The following GALNTL6 variants were observed in gnomAD, a reference collection of about 807,000 sequenced individuals.
GALNTL6 encodes polypeptide N-acetylgalactosaminyltransferase like 6.
Under a neutral mutation model 73.7 loss-of-function variants are expected in GALNTL6, and 46 were observed. The observed-to-expected ratio is 0.62, with a 90% CI of 0.49 to 0.80. The LOEUF (loss-of-function observed/expected upper bound fraction) is 0.80. Ranked by LOEUF, GALNTL6 falls within the 30% of genes least tolerant of loss-of-function variation. The probability of loss-of-function intolerance (pLI) is 0.00; values close to 1 mark genes in which losing one functional copy is unlikely to be tolerated. For missense variants in GALNTL6, 604 were observed against 755.0 expected (o/e 0.80, Z 2.34); for synonymous variants, 259 against 263.7 (o/e 0.98, Z 0.17).
chr4:173,024,486 C>T (rs960809299), intron 12 of GALNTL6, among the ~76,000 whole-genome samples: 3 of 152,198 alleles, frequency 2.0e-5, no homozygotes, highest in African/African-American at 7.2e-5. Context: ...ATGCCTAAGG[C>T]ATAAAGAGAA....
intron 3 of GALNTL6, among the ~76,000 whole-genome samples, chr4:172,271,973 G>C (rs1738672785): frequency 6.6e-6 from 1 of 151,204 alleles, no homozygotes; most frequent in Admixed American, 6.6e-5. Context: ...TTTTTTATGA[G>C]ATGGAGTCTC....
intron 2 of GALNTL6, among the ~76,000 whole-genome samples, chr4:172,012,754 T>C (rs1294676798): frequency 1.5e-4 from 1 of 6,812 alleles, no homozygotes; most frequent in African/African-American, 1.5e-4. Flanking sequence ...TTATTGTTTT[T>C]TGTTTGTTTC....
chr4:172,432,010 A>T (rs1731475377), intron 5 of GALNTL6, among the ~76,000 whole-genome samples: 1 of 152,140 alleles, frequency 6.6e-6, no homozygotes, highest in African/African-American at 2.4e-5. Context: ...AACACATAAA[A>T]GGTAGGGCTG....
In GALNTL6 at chr4:172,758,742, C is replaced by G. The variant is rs529623415; in HGVS notation, c.554-50619C>G. Among the ~76,000 whole-genome samples the G allele has an allele frequency of 5.3e-5, 8 of 152,218 alleles. No homozygotes were observed. In the South Asian group the frequency reaches 1.7e-3, roughly 32 times the overall value. On this transcript the variant is annotated intron_variant, in intron 5 of 12. Coordinates refer to ENST00000506823, the MANE Select transcript of GALNTL6 (RefSeq NM_001034845.3). ...ATGTCAAAATTTCACTTTGTCCTAC[C>G]CAGGACATGAATCATCCCTTGGTCC...
At chr4:172,042,910 T>C (rs1198965406) in intron 2 of GALNTL6, among the ~76,000 whole-genome samples, 2 of 104,628 alleles carry the variant, frequency 1.9e-5, no homozygotes, top group African/African-American at 7.0e-5. Flanking sequence ...TTGTGATGCA[T>C]AAAACTATTC....
intron 3 of GALNTL6, among the ~76,000 whole-genome samples, chr4:172,255,137 T>A (rs1456960429): frequency 2.6e-5 from 4 of 151,632 alleles, no homozygotes; most frequent in Admixed American, 1.3e-4. Flanking sequence ...CCCAGACAGT[T>A]GGTATTTGAA....
At chr4:172,942,860 G>A (rs1184996977) in intron 9 of GALNTL6, among the ~76,000 whole-genome samples, 1 of 152,088 alleles carries the variant, frequency 6.6e-6, no homozygotes, top group Non-Finnish European at 1.5e-5. Context: ...CAAGATGACT[G>A]TCTCCTACCT....
At chr4:172,692,100 G>GA (rs1263514195) in intron 5 of GALNTL6, among the ~76,000 whole-genome samples, 3 of 151,864 alleles carry the variant, frequency 2.0e-5, no homozygotes, top group African/African-American at 2.4e-5. Flanking sequence ...GAAATGTGCA[G>GA]AAAAAAAGAC....
At chr4:172,310,761 G>T (rs1280107834) in intron 3 of GALNTL6, among the ~76,000 whole-genome samples, 2 of 151,778 alleles carry the variant, frequency 1.3e-5, no homozygotes, top group African/African-American at 2.4e-5. Context: ...ACTAGGGAAG[G>T]CCTTCTTTGT....
At chr4:171,849,541 A>G (rs1307430576) in intron 2 of GALNTL6, among the ~76,000 whole-genome samples, 1 of 152,222 alleles carries the variant, frequency 6.6e-6, no homozygotes, top group African/African-American at 2.4e-5. Flanking sequence ...AAATAGAAAT[A>G]AAGAAAATCT....
At chr4:172,281,012 A>C (rs1325304815) in intron 3 of GALNTL6, among the ~76,000 whole-genome samples, 2 of 151,642 alleles carry the variant, frequency 1.3e-5, no homozygotes, top group African/African-American at 4.8e-5. Flanking sequence ...ATACAAAAAA[A>C]AAAAAAATTA....
chr4:172,096,292 A>G (rs756870897), intron 2 of GALNTL6, among the ~76,000 whole-genome samples: 6 of 152,122 alleles, frequency 3.9e-5, no homozygotes, highest in Non-Finnish European at 5.9e-5. Flanking sequence ...CAGGGGTCTC[A>G]CTATGCTGCC....
chr4:172,655,484 A>C (rs1730945249), intron 5 of GALNTL6, among the ~76,000 whole-genome samples: 1 of 152,180 alleles, frequency 6.6e-6, no homozygotes. Context: ...TCGTTTGATT[A>C]GGCATTTTTA....
chr4:172,888,361 G>A (rs757782363), intron 8 of GALNTL6, among the ~76,000 whole-genome samples: 6 of 152,142 alleles, frequency 3.9e-5, no homozygotes, highest in Non-Finnish European at 7.3e-5. Flanking sequence ...GTTAACTTTT[G>A]TATATGGTGA....
At chr4:172,392,325 A>C (rs1325687368) in intron 5 of GALNTL6, among the ~76,000 whole-genome samples, 1 of 152,196 alleles carries the variant, frequency 6.6e-6, no homozygotes, top group African/African-American at 2.4e-5. Context: ...TTCTTTACAC[A>C]TACCAGAATT....
intron 5 of GALNTL6, among the ~76,000 whole-genome samples, chr4:172,430,299 G>T (rs1223502915): frequency 6.6e-6 from 1 of 152,052 alleles, no homozygotes; most frequent in Non-Finnish European, 1.5e-5. Flanking sequence ...GAGAGATAGA[G>T]AGACAGAAAG....
chr4:172,586,530 A>T (rs1184627136), intron 5 of GALNTL6, among the ~76,000 whole-genome samples: 1 of 151,936 alleles, frequency 6.6e-6, no homozygotes, highest in Non-Finnish European at 1.5e-5. Flanking sequence ...ATTTCTCAGA[A>T]TTGCTAAGAA....
chr4:172,538,170 T>C (rs1386692122), intron 5 of GALNTL6, among the ~76,000 whole-genome samples: 1 of 152,030 alleles, frequency 6.6e-6, no homozygotes, highest in Non-Finnish European at 1.5e-5. Context: ...CTTCAAGATT[T>C]CAAACCATGG....
In GALNTL6 at chr4:173,024,207, C is replaced by G. The variant is rs887131120; in HGVS notation, c.1638+2582C>G. On this transcript the variant is annotated intron_variant, in intron 12 of 12. Coordinates refer to ENST00000506823, the MANE Select transcript of GALNTL6 (RefSeq NM_001034845.3). ...TATGAGCTTTAATATTAAACCTTTC[C>G]AGGATCCTAAGGGATTTGTGAAAGG... 3.2e-4 allele frequency among the ~76,000 whole-genome samples: 48 copies of G among 152,166 alleles called. 1 individual carries two copies. Among genetic ancestry groups the G allele is most frequent in the African/African-American group, 1.1e-3 (46 of 41,440 alleles).
Sources: allele counts gnomAD v4.1 joint callset (sites outside exome capture counted in the v4.1 genomes callset), GRCh38; gene constraint gnomAD v4.1.1; transcripts MANE v1.5; gene names NCBI Gene and HGNC (gene_info 2026-07-23, HGNC 2026-07-21).